Variants in TENM4 observed in about 807,000 individuals in gnomAD.
TENM4 encodes teneurin-4.
In TENM4, 82 loss-of-function variants were observed where a neutral mutation model predicts 243.3. The observed-to-expected ratio is 0.34, with a 90% CI of 0.28 to 0.40. The LOEUF (loss-of-function observed/expected upper bound fraction) is 0.40. TENM4 is among the 10% of genes least tolerant of loss of function. TENM4 has a pLI of 1.00. For missense variants in TENM4, 3,138 were observed against 3,673.3 expected (o/e 0.85, Z 3.77); for synonymous variants, 1,412 against 1,456.3 (o/e 0.97, Z 0.69).
chr11:78,809,754 C>T (rs543256885), intron 14 of TENM4, among the ~76,000 whole-genome samples: 3 of 152,168 alleles, frequency 2.0e-5, no homozygotes, highest in Admixed American at 6.5e-5. Flanking sequence ...AAATAGTTAC[C>T]TTTTTTCCCC....
chr11:78,950,393 G>A (rs1218384503), intron 6 of TENM4, among the ~76,000 whole-genome samples: 2 of 152,176 alleles, frequency 1.3e-5, no homozygotes, highest in Non-Finnish European at 2.9e-5. Flanking sequence ...AGGGCGGGGG[G>A]AGAATAAATC....
At chr11:78,666,965 G>A (rs535255415) in intron 32 of TENM4, among the ~76,000 whole-genome samples, 1 of 152,260 alleles carries the variant, frequency 6.6e-6, no homozygotes, top group African/African-American at 2.4e-5. Context: ...TGATAGAAAA[G>A]TACATTTCCT....
At chr11:78,916,809 C>G (rs573582570) in intron 6 of TENM4, among the ~76,000 whole-genome samples, 6 of 152,178 alleles carry the variant, frequency 3.9e-5, no homozygotes, top group Admixed American at 3.3e-4. Flanking sequence ...GCATTGGGGT[C>G]AACTCTGTTA....
At chr11:78,708,844 G>A (rs1037390895) in intron 26 of TENM4, among the ~76,000 whole-genome samples, 3 of 152,098 alleles carry the variant, frequency 2.0e-5, no homozygotes, top group Non-Finnish European at 2.9e-5. Context: ...AGATACAGTG[G>A]TAAGGAGGAT....
At chr11:78,673,739 G>C (rs1056195418) in intron 30 of TENM4, among the ~76,000 whole-genome samples, 4 of 152,240 alleles carry the variant, frequency 2.6e-5, no homozygotes, top group African/African-American at 9.6e-5. Flanking sequence ...TTAAATGACA[G>C]CAAACGATCG....
chr11:79,049,851 C>T (rs1859752763), intron 6 of TENM4, among the ~76,000 whole-genome samples: 1 of 152,250 alleles, frequency 6.6e-6, no homozygotes, highest in Admixed American at 6.5e-5. Flanking sequence ...GAACAGAGCA[C>T]TTCCCGCATG....
chr11:78,762,884 G>GA (rs201161790), intron 18 of TENM4, among the ~76,000 whole-genome samples: 83 of 151,840 alleles, frequency 5.5e-4, no homozygotes, highest in African/African-American at 1.5e-3. Context: ...TCATTAAAAG[G>GA]AAAAAAAAGC....
chr11:78,718,548 T>C (rs1034135993), intron 25 of TENM4, among the ~76,000 whole-genome samples: 1 of 152,188 alleles, frequency 6.6e-6, no homozygotes, highest in African/African-American at 2.4e-5. Flanking sequence ...TTCCCAGCTA[T>C]GTCCCCCTGG....
At chr11:79,087,265 G>A (rs1003599857) in intron 4 of TENM4, among the ~76,000 whole-genome samples, 2 of 152,236 alleles carry the variant, frequency 1.3e-5, no homozygotes, top group Admixed American at 6.5e-5. Context: ...TTTTGACTCT[G>A]AGTGCAGAGG....
chr11:78,934,014 G>C (rs1374287173), intron 6 of TENM4, among the ~76,000 whole-genome samples: 1 of 152,160 alleles, frequency 6.6e-6, no homozygotes, highest in African/African-American at 2.4e-5. Context: ...GGGAATTAGA[G>C]ATACTGTTAG....
intron 4 of TENM4, among the ~76,000 whole-genome samples, chr11:79,143,263 C>T (rs1862328103): frequency 6.6e-6 from 1 of 152,114 alleles, no homozygotes; most frequent in Non-Finnish European, 1.5e-5. Context: ...ATAGCAAAGA[C>T]TTGGAACCAA....
intron 2 of TENM4, among the ~76,000 whole-genome samples, chr11:79,283,188 C>T (rs367627705): frequency 1.2e-3 from 175 of 148,186 alleles, no homozygotes; most frequent in South Asian, 5.0e-3. Flanking sequence ...ATAGTAAAAT[C>T]AGACAAAGAC....
intron 6 of TENM4, among the ~76,000 whole-genome samples, chr11:78,932,275 G>T (rs2136426017): frequency 6.6e-6 from 1 of 152,288 alleles, no homozygotes; most frequent in East Asian, 1.9e-4. Flanking sequence ...ACCACCCCCA[G>T]GTTGTAGGAG....
chr11:78,765,666 C>T (rs1026349496), intron 18 of TENM4, among the ~76,000 whole-genome samples: 4 of 152,218 alleles, frequency 2.6e-5, no homozygotes, highest in African/African-American at 9.6e-5. Context: ...CTAATCCTAG[C>T]TCTCCCGCTG....
intron 1 of TENM4, among the ~76,000 whole-genome samples, chr11:79,414,363 C>A (rs1858768631): frequency 6.6e-6 from 1 of 152,184 alleles, no homozygotes; most frequent in South Asian, 2.1e-4. Flanking sequence ...ACTGAACTAA[C>A]CTGAGTCTCA....
Position 78,655,436 on chromosome 11 carries a change from T to G in TENM4, c.*2622A>C, listed in dbSNP as rs1396344033. ...TGGCTCACACCTGTAACCCCAGCACTTCAGGAGGCCAAGGTGGATCGCCTG... is the reference window on the plus strand; with the variant it reads ...TGGCTCACACCTGTAACCCCAGCACGTCAGGAGGCCAAGGTGGATCGCCTG... On this transcript the variant is annotated 3_prime_UTR_variant, in exon 34 of 34. Coordinates refer to ENST00000278550, the MANE Select transcript of TENM4 (RefSeq NM_001098816.3). The G allele has an allele frequency of 1.3e-5, 2 of 151,996 alleles. No individual in the cohort carries two copies. Among genetic ancestry groups the G allele is most frequent in the Admixed American group, 6.5e-5 (1 of 15,280 alleles). 9.4% of individuals were successfully genotyped at this position (151,996 alleles called of 1,614,324 possible). A position where few individuals can be genotyped will look rare whatever the true frequency, so the allele number is the denominator to read the frequency against.
At position 78,702,118 on chromosome 11, in the gene TENM4, T is replaced by C. The variant is rs764646016; in HGVS notation, c.4495A>G (p.Thr1499Ala). The change falls in exon 28 of 34, where the codon ACT becomes GCT. Residue 1499 changes from threonine to alanine, a missense_variant. Thr to Ala is a moderately conservative substitution (Grantham distance 58). Around this residue, in one of 2 missense-constraint regions of TENM4, gnomAD observed 2,467 missense variants for 3,059.1 expected, o/e 0.81. Transcript: ENST00000278550. ...KKINRIRQVTTSGEISLVAGA... is the reference protein window; with the variant it reads ...KKINRIRQVTASGEISLVAGA... ...GCAACGAGTGAGATCTCTCCACTAG[T>C]GGTGACCTGCCTGATGCGGTTGATC... The C allele has an allele frequency of 1.2e-6, 2 of 1,613,992 alleles. No individual in the cohort carries two copies. Among genetic ancestry groups the C allele is most frequent in the East Asian group, 2.2e-5 (1 of 44,884 alleles).
At chr11:78,804,177 G>A (rs1482548815) in intron 15 of TENM4, among the ~76,000 whole-genome samples, 1 of 152,242 alleles carries the variant, frequency 6.6e-6, no homozygotes, top group Non-Finnish European at 1.5e-5. Flanking sequence ...AGCATAGCTG[G>A]AGATGCTATC....
At chr11:79,018,242 T>A (rs778415696) in intron 6 of TENM4, among the ~76,000 whole-genome samples, 31 of 152,182 alleles carry the variant, frequency 2.0e-4, no homozygotes, top group Admixed American at 5.2e-4. Context: ...TCTTCCAGTG[T>A]AATTATTAGC....
Sources: allele counts gnomAD v4.1 joint callset (sites outside exome capture counted in the v4.1 genomes callset), GRCh38; gene constraint gnomAD v4.1.1; regional missense constraint gnomAD v4.1.1; transcripts MANE v1.5; gene names NCBI Gene and HGNC (gene_info 2026-07-23, HGNC 2026-07-21).